The following ANKRD44 variants were observed in gnomAD, a reference collection of about 807,000 sequenced individuals.
The protein encoded by ANKRD44 is serine/threonine-protein phosphatase 6 regulatory ankyrin repeat subunit B.
A neutral mutation model predicts 116.0 loss-of-function variants in ANKRD44; 35 were observed. The observed-to-expected ratio is 0.30, with a 90% confidence interval of 0.23 to 0.40. ANKRD44 has a LOEUF of 0.40. ANKRD44 is among the 10% of genes least tolerant of loss of function. ANKRD44 has a pLI of 1.00. For synonymous variants in ANKRD44, 435 were observed against 461.8 expected (o/e 0.94, Z 0.74); for missense variants, 1,014 against 1,242.6 (o/e 0.82, Z 2.77).
At position 197,125,959 on chromosome 2, in the gene ANKRD44, C is replaced by A; in HGVS notation, c.340G>T (p.Ala114Ser). 6.2e-7 allele frequency: 1 copy of A among 1,614,232 alleles called. No homozygotes were observed. Among genetic ancestry groups the A allele is most frequent in the Non-Finnish European group, 8.5e-7 (1 of 1,180,048 alleles). ...DKNWQTPLHV[A>S]AANKAVKCAE... is the part of the protein sequence containing the mutation. Reference sequence around the variant, plus strand: ...CATTTGACAGCCTTGTTGGCTGCTGCCACATGAAGAGGGGTCTGCCAGTTC... The same window carrying A: ...CATTTGACAGCCTTGTTGGCTGCTGACACATGAAGAGGGGTCTGCCAGTTC... The change falls in exon 5 of 28, where the codon GCA becomes TCA. Residue 114 changes from alanine to serine, a missense_variant. Coordinates refer to ENST00000282272, the MANE Select transcript of ANKRD44 (RefSeq NM_001195144.2).
chr2:197,051,290 T>C (rs1295522423), intron 16 of ANKRD44, among the ~76,000 whole-genome samples: 1 of 152,194 alleles, frequency 6.6e-6, no homozygotes, highest in Admixed American at 6.5e-5. Context: ...AAGGTGCTGA[T>C]GACTCACACA....
At chr2:197,115,410 A>C (rs1391663753) in intron 8 of ANKRD44, among the ~76,000 whole-genome samples, 2 of 152,252 alleles carry the variant, frequency 1.3e-5, no homozygotes, top group South Asian at 4.1e-4. Flanking sequence ...CCATCAATTG[A>C]TTATTGTATC....
At chr2:197,118,234 A>G (rs998128335) in intron 8 of ANKRD44, among the ~76,000 whole-genome samples, 1 of 151,592 alleles carries the variant, frequency 6.6e-6, no homozygotes, top group Non-Finnish European at 1.5e-5. Context: ...AATAATAATA[A>G]AAATAATTTT....
intron 16 of ANKRD44, chr2:197,030,143 G>A (rs2076676713): frequency 6.5e-6 from 1 of 152,674 alleles, no homozygotes; most frequent in Non-Finnish European, 1.5e-5. Flanking sequence ...GATTGCAGTA[G>A]ACTCCAAAAA....
At chr2:197,137,374 A>G (rs1043632746) in intron 3 of ANKRD44, among the ~76,000 whole-genome samples, 2 of 152,168 alleles carry the variant, frequency 1.3e-5, no homozygotes, top group Non-Finnish European at 2.9e-5. Context: ...AATCAAAGAA[A>G]CTAGAAAGTA....
At chr2:197,158,574 T>G (rs545284145) in intron 2 of ANKRD44, among the ~76,000 whole-genome samples, 12 of 152,338 alleles carry the variant, frequency 7.9e-5, no homozygotes, top group African/African-American at 2.9e-4. Flanking sequence ...AGCTGCTAGT[T>G]TTTCACCACT....
At chr2:197,114,618 G>A (rs1232028321) in intron 8 of ANKRD44, among the ~76,000 whole-genome samples, 2 of 151,750 alleles carry the variant, frequency 1.3e-5, no homozygotes, top group African/African-American at 4.8e-5. Context: ...TCCCATATAC[G>A]TTCCCTAAAT....
intron 9 of ANKRD44, among the ~76,000 whole-genome samples, chr2:197,102,991 A>AG (rs911895958): frequency 3.3e-5 from 5 of 151,930 alleles, no homozygotes; most frequent in Admixed American, 6.6e-5. Flanking sequence ...GCACTCTGGG[A>AG]GGCCAAGGTG....
At chr2:197,061,042 C>A (rs1003781626) in intron 16 of ANKRD44, among the ~76,000 whole-genome samples, 4 of 152,080 alleles carry the variant, frequency 2.6e-5, no homozygotes, top group Admixed American at 6.6e-5. Flanking sequence ...AGATATATAT[C>A]TGGAAGATAT....
intron 1 of ANKRD44, among the ~76,000 whole-genome samples, chr2:197,246,535 C>T (rs2082196948): frequency 6.6e-6 from 1 of 151,692 alleles, no homozygotes; most frequent in African/African-American, 2.4e-5. Context: ...CCAGCCATCC[C>T]TACAATGGGA....
chr2:197,009,311 C>G (rs931621020), intron 18 of ANKRD44, among the ~76,000 whole-genome samples: 2 of 151,428 alleles, frequency 1.3e-5, no homozygotes, highest in African/African-American at 4.9e-5. Context: ...AGGCTGGTCT[C>G]GAATTCCTAG....
intron 1 of ANKRD44, among the ~76,000 whole-genome samples, chr2:197,200,898 A>C (rs1186170700): frequency 6.6e-6 from 1 of 152,184 alleles, no homozygotes; most frequent in African/African-American, 2.4e-5. Context: ...AACTTCTCCA[A>C]ATCCATTTAA....
At chr2:197,106,900 G>T (rs554237479) in intron 9 of ANKRD44, among the ~76,000 whole-genome samples, 1 of 150,080 alleles carries the variant, frequency 6.7e-6, no homozygotes, top group African/African-American at 2.4e-5. Flanking sequence ...TATATAAACA[G>T]CACCTCTAGA....
At chr2:197,103,587 C>A (rs2078354886) in intron 9 of ANKRD44, among the ~76,000 whole-genome samples, 1 of 151,922 alleles carries the variant, frequency 6.6e-6, no homozygotes, top group Non-Finnish European at 1.5e-5. Flanking sequence ...GATGTCTAAA[C>A]CATATACATA....
chr2:197,086,126 A>C (rs1029572906), intron 13 of ANKRD44, among the ~76,000 whole-genome samples: 1 of 151,688 alleles, frequency 6.6e-6, no homozygotes, highest in African/African-American at 2.4e-5. Flanking sequence ...ACATGTAGAA[A>C]GGAAGGGTAA....
chr2:197,179,981 G>A (rs1470169420), intron 2 of ANKRD44, among the ~76,000 whole-genome samples: 1 of 152,134 alleles, frequency 6.6e-6, no homozygotes, highest in African/African-American at 2.4e-5. Flanking sequence ...TGTCAGGCAT[G>A]TGCTGAGAGA....
chr2:197,019,642 C>T (rs548650420), intron 17 of ANKRD44, among the ~76,000 whole-genome samples: 8 of 152,166 alleles, frequency 5.3e-5, no homozygotes, highest in South Asian at 4.2e-4. Context: ...ATGGAAAGGG[C>T]GCAACATGAC....
In ANKRD44 at chr2:197,111,706, A is replaced by T. The variant is rs901441515; in HGVS notation, c.907-862T>A. On this transcript the variant is annotated intron_variant, in intron 8 of 27. Transcript: ENST00000282272. ...ATTCCCTCCATTATAATTCCATTTA[A>T]AAAAAAAATCACTTTTAAAATAAAA... Among the ~76,000 whole-genome samples the T allele has an allele frequency of 0.03, 42 of 1,394 alleles. No individual in the cohort carries two copies. The East Asian group carries it at 0.5, about 17-fold the overall frequency. The allele number at this position is 1,394 out of a possible 152,430, so 0.9% of individuals were successfully genotyped here.
intron 3 of ANKRD44, among the ~76,000 whole-genome samples, chr2:197,139,991 C>T (rs865874411): frequency 9.2e-5 from 14 of 151,456 alleles, no homozygotes; most frequent in Admixed American, 2.6e-4. Context: ...GCGATTCTCC[C>T]GCCTCAGCCT....
Sources: allele counts gnomAD v4.1 joint callset (sites outside exome capture counted in the v4.1 genomes callset), GRCh38; gene constraint gnomAD v4.1.1; transcripts MANE v1.5; gene names NCBI Gene and HGNC (gene_info 2026-07-23, HGNC 2026-07-21).